Variants in SDC2 observed in about 807,000 individuals in gnomAD.
SDC2 encodes syndecan 2, also known as syndecan-2.
In SDC2, 13 loss-of-function variants were observed where a neutral mutation model predicts 22.2. The observed-to-expected ratio is 0.59, with a 90% CI of 0.38 to 0.93. The LOEUF (loss-of-function observed/expected upper bound fraction) is 0.93, where lower values mean the gene tolerates loss of function less well. Ranked by LOEUF, SDC2 falls within the 40% of genes least tolerant of loss-of-function variation. The pLI, the probability that SDC2 is intolerant of heterozygous loss-of-function variation, is 0.00. For synonymous variants in SDC2, 94 were observed against 92.8 expected (o/e 1.01, Z -0.07); for missense variants, 235 against 246.8 (o/e 0.95, Z 0.32).
At chr8:96,505,034 A>G (rs1257942483) in intron 1 of SDC2, among the ~76,000 whole-genome samples, 1 of 152,200 alleles carries the variant, frequency 6.6e-6, no homozygotes, top group Non-Finnish European at 1.5e-5. Context: ...GAATTTCACA[A>G]GATAATGTCA....
At chr8:96,578,696 G>A (rs1814542597) in intron 1 of SDC2, among the ~76,000 whole-genome samples, 1 of 152,208 alleles carries the variant, frequency 6.6e-6, no homozygotes, top group South Asian at 2.1e-4. Context: ...CTGTGTGACA[G>A]CCCCAGGCGG....
At position 96,610,836 on chromosome 8, in the gene SDC2, A is replaced by G. The variant is rs1815163203; in HGVS notation, c.*1288A>G. On this transcript the variant is annotated 3_prime_UTR_variant, in exon 5 of 5. Transcript: ENST00000302190. ...TCTGAATTGGCCAGAGGAAATCTGA[A>G]TGTATTATCCTGTGTGTGTCTAGGT... 6.6e-6 allele frequency: 1 copy of G among 152,652 alleles called. No individual in the cohort carries two copies. Among genetic ancestry groups the G allele is most frequent in the South Asian group, 2.1e-4 (1 of 4,828 alleles). 9.5% of individuals were successfully genotyped at this position (152,652 alleles called of 1,614,324 possible). A position where few individuals can be genotyped will look rare whatever the true frequency, so the allele number is the denominator to read the frequency against.
chr8:96,496,431 A>C lies in SDC2; in HGVS notation c.60+2100A>C, dbSNP rs113087404. Reference sequence around the variant, plus strand: ...GGTGATTAGATATTTATAAAATGTCAACTTAGAGACTAGCAGAGAATCTTT... The same window carrying C: ...GGTGATTAGATATTTATAAAATGTCCACTTAGAGACTAGCAGAGAATCTTT... On this transcript the variant is annotated intron_variant, in intron 1 of 4. Transcript: ENST00000302190. 6.0e-3 allele frequency among the ~76,000 whole-genome samples: 913 copies of C among 152,338 alleles called. 8 individuals carry two copies. Among genetic ancestry groups the C allele is most frequent in the African/African-American group, 0.021 (868 of 41,562 alleles).
chr8:96,515,657 A>C (rs1813390459), intron 1 of SDC2, among the ~76,000 whole-genome samples: 2 of 152,176 alleles, frequency 1.3e-5, no homozygotes, highest in Non-Finnish European at 2.9e-5. Flanking sequence ...TATACACTGA[A>C]CATAGAGTCT....
intron 1 of SDC2, among the ~76,000 whole-genome samples, chr8:96,519,663 T>C (rs1474698525): frequency 2.6e-5 from 4 of 152,144 alleles, no homozygotes. Context: ...AATTTTTTTT[T>C]TTCTTTTGAG....
At chr8:96,562,366 G>A (rs1049117693) in intron 1 of SDC2, among the ~76,000 whole-genome samples, 5 of 152,156 alleles carry the variant, frequency 3.3e-5, no homozygotes, top group African/African-American at 1.2e-4. Flanking sequence ...GAAAAGAGGT[G>A]GCATCTTTCC....
intron 1 of SDC2, among the ~76,000 whole-genome samples, chr8:96,573,731 C>G (rs1814441217): frequency 6.6e-6 from 1 of 152,132 alleles, no homozygotes; most frequent in African/African-American, 2.4e-5. Context: ...TGCCTCCAGT[C>G]AAGCCCCTCT....
intron 1 of SDC2, among the ~76,000 whole-genome samples, chr8:96,576,034 C>T (rs1226240410): frequency 1.3e-5 from 2 of 152,168 alleles, no homozygotes; most frequent in African/African-American, 4.8e-5. Flanking sequence ...AAGTTCATAG[C>T]TGTCTTTTCT....
intron 1 of SDC2, among the ~76,000 whole-genome samples, chr8:96,539,930 G>GTTATGCTTGGTT (rs1471860122): frequency 6.6e-6 from 1 of 152,118 alleles, no homozygotes; most frequent in East Asian, 1.9e-4. Context: ...CCACAGAAGG[G>GTTATGCTTGGTT]AACCTGCTTG....
At chr8:96,591,670 G>T (rs1339925992) in intron 1 of SDC2, among the ~76,000 whole-genome samples, 1 of 152,142 alleles carries the variant, frequency 6.6e-6, no homozygotes, top group East Asian at 1.9e-4. Context: ...TGTATAAGGA[G>T]TGGAGAAGTC....
chr8:96,562,528 G>T (rs1814226880), intron 1 of SDC2, among the ~76,000 whole-genome samples: 1 of 152,176 alleles, frequency 6.6e-6, no homozygotes, highest in African/African-American at 2.4e-5. Context: ...TTACTGGAGT[G>T]AACGTCAGAA....
At chr8:96,540,125 G>C (rs1449950324) in intron 1 of SDC2, among the ~76,000 whole-genome samples, 1 of 151,526 alleles carries the variant, frequency 6.6e-6, no homozygotes. Flanking sequence ...ATGCCTTTCT[G>C]ATGTCTGTTC....
chr8:96,582,836 C>T (rs926305403), intron 1 of SDC2, among the ~76,000 whole-genome samples: 1 of 152,154 alleles, frequency 6.6e-6, no homozygotes, highest in Non-Finnish European at 1.5e-5. Context: ...TGCTGGGAAA[C>T]GGAGCAAGCT....
chr8:96,568,549 T>A (rs1814338032), intron 1 of SDC2, among the ~76,000 whole-genome samples: 1 of 152,206 alleles, frequency 6.6e-6, no homozygotes, highest in Admixed American at 6.5e-5. Context: ...AACCTGGAAA[T>A]GGAGCTCTTG....
At chr8:96,560,976 C>T (rs992922516) in intron 1 of SDC2, among the ~76,000 whole-genome samples, 23 of 152,032 alleles carry the variant, frequency 1.5e-4, no homozygotes, top group Non-Finnish European at 2.8e-4. Context: ...CATAGTGGCA[C>T]GCCTGTAATC....
intron 1 of SDC2, among the ~76,000 whole-genome samples, chr8:96,496,119 G>A (rs1244085281): frequency 6.6e-6 from 1 of 151,782 alleles, no homozygotes. Context: ...TTTTTTTGCT[G>A]AGTCTTATTC....
chr8:96,599,992 A>G (rs1019029672), intron 2 of SDC2, among the ~76,000 whole-genome samples: 5 of 152,032 alleles, frequency 3.3e-5, no homozygotes, highest in African/African-American at 1.2e-4. Context: ...AAAAATAATA[A>G]TAATTTTTTT....
chr8:96,555,781 A>G (rs967236090), intron 1 of SDC2, among the ~76,000 whole-genome samples: 10 of 152,144 alleles, frequency 6.6e-5, no homozygotes, highest in Non-Finnish European at 1.3e-4. Context: ...TTCTTCACTC[A>G]TTTTTCAAAA....
intron 2 of SDC2, 43 bp downstream of exon 2, chr8:96,593,634 A>G: frequency 1.7e-6 from 2 of 1,209,970 alleles, no homozygotes; most frequent in Non-Finnish European, 2.5e-6. Flanking sequence ...TTCTCCAGGC[A>G]TGCACGCACA....
Sources: gnomAD v4.1 joint callset for allele counts (sites outside exome capture counted in the v4.1 genomes callset) on GRCh38, gnomAD v4.1.1 for gene constraint, MANE v1.5 for transcripts, NCBI Gene and HGNC (gene_info 2026-07-23, HGNC 2026-07-21) for gene names.